The following PRKCE variants were observed in gnomAD, a reference collection of about 807,000 sequenced individuals.
PRKCE encodes protein kinase C epsilon, also known as protein kinase C epsilon type.
Under a neutral mutation model 85.4 loss-of-function variants are expected in PRKCE, and 16 were observed. The ratio of observed to expected loss-of-function variants is 0.19; its 90% CI spans 0.13 to 0.28. PRKCE has a LOEUF of 0.28. Ranked by LOEUF, PRKCE falls within the 10% of genes least tolerant of loss-of-function variation. The probability of loss-of-function intolerance (pLI) is 1.00; values close to 1 mark genes in which losing one functional copy is unlikely to be tolerated. For synonymous variants in PRKCE, 388 were observed against 371.5 expected (o/e 1.04, Z -0.51); for missense variants, 573 against 975.2 (o/e 0.59, Z 5.49).
chr2:46,063,136 G>A (rs1667307834), intron 10 of PRKCE, among the ~76,000 whole-genome samples: 1 of 152,206 alleles, frequency 6.6e-6, no homozygotes, highest in South Asian at 2.1e-4. Flanking sequence ...GAAAGGCAGA[G>A]CTGAGTGGGC....
intron 1 of PRKCE, among the ~76,000 whole-genome samples, chr2:45,696,560 T>C (rs1678166639): frequency 6.6e-6 from 1 of 152,160 alleles, no homozygotes; most frequent in Non-Finnish European, 1.5e-5. Flanking sequence ...CACAGGGCTG[T>C]GTGGTGGGTG....
chr2:45,701,333 T>C (rs1398124083), intron 1 of PRKCE: 2 of 152,130 alleles, frequency 1.3e-5, no homozygotes, highest in African/African-American at 4.8e-5. Context: ...GGATGCTACC[T>C]ATCTATCTAT....
chr2:45,926,729 A>C (rs532071719), intron 2 of PRKCE, among the ~76,000 whole-genome samples: 1 of 152,374 alleles, frequency 6.6e-6, no homozygotes, highest in South Asian at 2.1e-4. Context: ...GCATTCAGAC[A>C]GAGGGGCTCC....
At position 46,145,471 on chromosome 2, in the gene PRKCE, G is replaced by A. The variant is rs541490542; in HGVS notation, c.1731+240G>A. Among the ~76,000 whole-genome samples the A allele has an allele frequency of 1.2e-4, 19 of 152,318 alleles. No individual in the cohort carries two copies. In the South Asian group the frequency reaches 3.7e-3, roughly 30 times the overall value. On this transcript the variant is annotated intron_variant, in intron 12 of 14. Transcript: ENST00000306156. This position sits in a 1 kb window ranked among gnomAD's most constrained non-coding sequence, Gnocchi z 4.6. ...GTAACAGGCTATTTCCCAAACCCGG[G>A]CAAGTTCACACTGAACATCTCTTTC...
chr2:46,077,179 A>G (rs959043702), intron 10 of PRKCE, among the ~76,000 whole-genome samples: 2 of 151,970 alleles, frequency 1.3e-5, no homozygotes, highest in Non-Finnish European at 2.9e-5. Flanking sequence ...ACACACACAC[A>G]CACACACACG....
intron 1 of PRKCE, among the ~76,000 whole-genome samples, chr2:45,680,435 G>A (rs1290434914): frequency 2.0e-5 from 3 of 152,182 alleles, no homozygotes; most frequent in Non-Finnish European, 4.4e-5. Context: ...AACCTGTGGT[G>A]GGGATGCTTA....
intron 1 of PRKCE, among the ~76,000 whole-genome samples, chr2:45,706,882 G>A (rs1679158384): frequency 1.3e-5 from 2 of 152,188 alleles, no homozygotes; most frequent in African/African-American, 4.8e-5. Context: ...CCTGTGAGAA[G>A]GCAACTGGGG....
At chr2:45,744,461 CTTT>C (rs1682899639) in intron 1 of PRKCE, among the ~76,000 whole-genome samples, 1 of 56,374 alleles carries the variant, frequency 1.8e-5, no homozygotes, top group Non-Finnish European at 3.5e-5. Flanking sequence ...TTCTTTCTTT[CTTT>C]CTTTCTTTCT....
rs148307638 is a variant in PRKCE, at chr2:46,158,850, G to A, written c.1921-756G>A. On this transcript the variant is annotated intron_variant, in intron 13 of 14. Coordinates refer to ENST00000306156, the MANE Select transcript of PRKCE (RefSeq NM_005400.3). ...TATACGTATGCTCAATTAAATTAAC[G>A]TTTACCCTCAGGACTGACTCATTTA... is the stretch of plus-strand genomic sequence containing the variant. Among the ~76,000 whole-genome samples, 31 of 151,920 alleles carry A rather than the reference G, an allele frequency of 2.0e-4. 1 individual carries two copies. In the East Asian group the frequency reaches 4.5e-3, roughly 22 times the overall value.
At chr2:45,753,289 G>A (rs950856124) in intron 1 of PRKCE, among the ~76,000 whole-genome samples, 2 of 152,128 alleles carry the variant, frequency 1.3e-5, no homozygotes, top group African/African-American at 4.8e-5. Context: ...GACAATGTGC[G>A]TTTCTAACAA....
At chr2:45,751,228 G>A (rs1356993823) in intron 1 of PRKCE, among the ~76,000 whole-genome samples, 1 of 152,128 alleles carries the variant, frequency 6.6e-6, no homozygotes, top group East Asian at 1.9e-4. Flanking sequence ...GTACATCATA[G>A]GGTTGTTCTG....
chr2:45,901,299 T>A (rs1274589613), intron 2 of PRKCE, among the ~76,000 whole-genome samples: 2 of 152,190 alleles, frequency 1.3e-5, no homozygotes, highest in African/African-American at 4.8e-5. Context: ...AAGGCATTAG[T>A]GTTTCAGAAT....
At chr2:45,742,993 A>G (rs374229723) in intron 1 of PRKCE, among the ~76,000 whole-genome samples, 19 of 152,352 alleles carry the variant, frequency 1.2e-4, no homozygotes, top group African/African-American at 4.6e-4. Context: ...CCCTGAGGAT[A>G]TTAGGCTAAA....
chr2:46,011,415 T>G (rs1219986801), intron 10 of PRKCE, among the ~76,000 whole-genome samples: 1 of 152,374 alleles, frequency 6.6e-6, no homozygotes, highest in East Asian at 1.9e-4. Flanking sequence ...TTGAGTCATT[T>G]GGCAAACTTT....
chr2:45,847,006 G>A (rs1015997162), intron 2 of PRKCE, among the ~76,000 whole-genome samples: 1 of 152,202 alleles, frequency 6.6e-6, no homozygotes, highest in African/African-American at 2.4e-5. Context: ...TGACGCTGGG[G>A]TGGGACATGT....
chr2:45,741,318 T>C (rs10170750), intron 1 of PRKCE, among the ~76,000 whole-genome samples: 62,030 of 152,044 alleles, frequency 0.41, 12,965 homozygotes, highest in Admixed American at 0.45. Context: ...CTTTTCCTCA[T>C]GGTTGTTTAT....
At chr2:45,938,713 T>G (rs977530618) in intron 2 of PRKCE, among the ~76,000 whole-genome samples, 1 of 142,604 alleles carries the variant, frequency 7.0e-6, no homozygotes, top group African/African-American at 2.5e-5. Context: ...ATTCAGCAAC[T>G]CTTAGAACAA....
chr2:46,150,218 C>T (rs1248980405), intron 12 of PRKCE, among the ~76,000 whole-genome samples: 1 of 152,116 alleles, frequency 6.6e-6, no homozygotes, highest in Non-Finnish European at 1.5e-5. Flanking sequence ...TTTGACTCTA[C>T]ATATTTGGCT....
chr2:45,677,258 T>G (rs1231917801), intron 1 of PRKCE: 1 of 152,100 alleles, frequency 6.6e-6, no homozygotes, highest in Non-Finnish European at 1.5e-5. Context: ...GAGGCCACTT[T>G]AGGTGGATAG....
Sources: gnomAD v4.1 joint callset for allele counts (sites outside exome capture counted in the v4.1 genomes callset) on GRCh38, gnomAD v4.1.1 for gene constraint, Gnocchi (gnomAD v3.1) non-coding constraint, MANE v1.5 for transcripts, NCBI Gene and HGNC (gene_info 2026-07-23, HGNC 2026-07-21) for gene names.